The following TRAPPC10 variants were observed in gnomAD, a reference collection of about 807,000 sequenced individuals.
TRAPPC10 encodes TRAPP 130 kDa subunit.
Under a neutral mutation model 125.5 loss-of-function variants are expected in TRAPPC10, and 23 were observed. The observed-to-expected ratio is 0.18, with a 90% CI of 0.13 to 0.26. The LOEUF is 0.26. Among genes scored for constraint, TRAPPC10 ranks in the 10% least tolerant of loss-of-function variants. The pLI, the probability that TRAPPC10 is intolerant of heterozygous loss-of-function variation, is 1.00. For synonymous variants in TRAPPC10, 509 were observed against 518.0 expected, an observed-to-expected ratio of 0.98 and a Z score of 0.24; for missense variants, 1,123 against 1,308.4, an observed-to-expected ratio of 0.86 and a Z score of 2.19.
intron 1 of TRAPPC10, among the ~76,000 whole-genome samples, chr21:44,026,727 C>T (rs2033109841): frequency 6.6e-6 from 1 of 152,176 alleles, no homozygotes; most frequent in African/African-American, 2.4e-5. Context: ...CTTGGAGGGC[C>T]TTAAAATTAG....
At chr21:44,084,626 C>T (rs1287611202) in intron 15 of TRAPPC10, among the ~76,000 whole-genome samples, 2 of 152,162 alleles carry the variant, frequency 1.3e-5, no homozygotes, top group African/African-American at 4.8e-5. Context: ...TTTCCCCCTG[C>T]CAGCAAGCAA....
intron 1 of TRAPPC10, among the ~76,000 whole-genome samples, chr21:44,014,865 A>C (rs985991769): frequency 6.6e-6 from 1 of 152,288 alleles, no homozygotes; most frequent in South Asian, 2.1e-4. Context: ...TGATCACTTT[A>C]AAAGTGAAGG....
chr21:44,083,892 ATTAAAG>A (rs1027862271), intron 14 of TRAPPC10, among the ~76,000 whole-genome samples: 4 of 152,222 alleles, frequency 2.6e-5, no homozygotes, highest in African/African-American at 9.7e-5. Context: ...AAAATACCTT[ATTAAAG>A]TTAAATTTAA....
rs775590351 is a variant in TRAPPC10 at position 44,059,208 on chromosome 21, G to T, written c.784G>T (p.Ala262Ser). ...CTCTCAGTATGTGGTCAACTTCGGG[G>T]CCGGGGGTGAGTAGTGGCACTTCAG... Reference protein sequence around the residue: ...LFSQYVVNFGAGDGANWLTFF... With the variant: ...LFSQYVVNFGSGDGANWLTFF... The change falls in exon 6 of 23, where the codon GCC (alanine) becomes TCC (serine). Residue 262 changes from alanine to serine, a missense_variant. This residue lies in a region of TRAPPC10 where 91 missense variants were observed against 127.1 expected (regional missense o/e 0.72). Transcript: ENST00000291574. The surrounding 1 kb of genome is among the most constrained non-coding windows in gnomAD (Gnocchi z 4.4). The T allele has an allele frequency of 5.6e-6, 9 of 1,604,234 alleles. No homozygotes were observed. In the African/African-American group the frequency reaches 1.2e-4, roughly 22 times the overall value.
intron 10 of TRAPPC10, among the ~76,000 whole-genome samples, chr21:44,077,178 G>C (rs1392594060): frequency 6.6e-6 from 1 of 151,928 alleles, no homozygotes. Flanking sequence ...TGAGTTTGTG[G>C]GTTTCTTTTA....
chr21:44,022,238 A>G (rs983434242), intron 1 of TRAPPC10, among the ~76,000 whole-genome samples: 7 of 147,522 alleles, frequency 4.7e-5, no homozygotes, highest in African/African-American at 1.8e-4. Context: ...CTTCCCAAGT[A>G]GCTGGGATTA....
chr21:44,055,481 C>T (rs1359233279), intron 4 of TRAPPC10, among the ~76,000 whole-genome samples: 1 of 151,264 alleles, frequency 6.6e-6, no homozygotes, highest in Non-Finnish European at 1.5e-5. Context: ...ATCCCAGCTA[C>T]TGGGGAGGAT....
At chr21:44,064,718 A>G (rs1041758272) in intron 7 of TRAPPC10, among the ~76,000 whole-genome samples, 2 of 152,206 alleles carry the variant, frequency 1.3e-5, no homozygotes, top group Non-Finnish European at 2.9e-5. Flanking sequence ...TGCTTGGTTT[A>G]AAATAATTTT....
At chr21:44,046,451 C>T in intron 3 of TRAPPC10, 1 of 277,456 alleles carries the variant, frequency 3.6e-6, no homozygotes. Context: ...TCCAGTTCTT[C>T]ATCTCCAGGA....
At chr21:44,075,260 A>G (rs987436362) in intron 9 of TRAPPC10, 107 bp downstream of exon 9, 1 of 764,018 alleles carries the variant, frequency 1.3e-6, no homozygotes, top group Non-Finnish European at 2.2e-6. Context: ...CATATTACTC[A>G]CCATTTGGAA....
chr21:44,055,981 G>C (rs1215107955), intron 5 of TRAPPC10, 88 bp downstream of exon 5: 4 of 1,212,078 alleles, frequency 3.3e-6, no homozygotes, highest in Non-Finnish European at 3.4e-6. Context: ...TCTAAGTAAG[G>C]CACCTCTCGT....
At chr21:44,055,577 C>CA (rs548421815) in intron 4 of TRAPPC10, 121 bp from the exon 5 acceptor site, 118,367 of 588,262 alleles carry the variant, frequency 0.2, 5,664 homozygotes, top group African/African-American at 0.42. Context: ...AACTCTGTCT[C>CA]AAAAAAAAAA....
chr21:44,039,004 G>A (rs899861436), intron 3 of TRAPPC10, among the ~76,000 whole-genome samples: 2 of 152,236 alleles, frequency 1.3e-5, no homozygotes, highest in African/African-American at 4.8e-5. Flanking sequence ...GAAGGACACT[G>A]TCCCTGGCCT....
chr21:44,023,387 C>T (rs1213513510), intron 1 of TRAPPC10, among the ~76,000 whole-genome samples: 1 of 152,010 alleles, frequency 6.6e-6, no homozygotes, highest in Non-Finnish European at 1.5e-5. Flanking sequence ...CAGAGGTGAT[C>T]GGTTGGCGTG....
In TRAPPC10 at chr21:44,063,207, C is replaced by T; in HGVS notation, c.791-331C>T. ...AGCCCAGCCCCGCTGCAGCCTAAGA[C>T]TAGAGCCCTCCCTCGGCCTGAGACA... On this transcript the variant is annotated intron_variant, in intron 6 of 22. Coordinates refer to ENST00000291574, the MANE Select transcript of TRAPPC10 (RefSeq NM_003274.5). This position sits in a 1 kb window ranked among gnomAD's most constrained non-coding sequence, Gnocchi z 4.4. The T allele has an allele frequency of 7.9e-7, 1 of 1,273,044 alleles. No individual in the cohort carries two copies. The highest frequency in any genetic ancestry group is 1.0e-6 in the Non-Finnish European group (1 of 988,364). 78.9% of individuals were successfully genotyped at this position (1,273,044 alleles called of 1,614,324 possible).
At chr21:44,068,656 A>G (rs1260347323) in intron 7 of TRAPPC10, among the ~76,000 whole-genome samples, 3 of 152,154 alleles carry the variant, frequency 2.0e-5, no homozygotes, top group Non-Finnish European at 4.4e-5. Context: ...GCTGGAGTAC[A>G]GTGGTGTGAT....
intron 7 of TRAPPC10, among the ~76,000 whole-genome samples, chr21:44,065,638 A>G (rs1355862363): frequency 6.6e-6 from 1 of 152,158 alleles, no homozygotes; most frequent in African/African-American, 2.4e-5. Flanking sequence ...CTGTTTCGTC[A>G]TCTTCTGATG....
Position 44,079,893 on chromosome 21 carries a change from C to G in TRAPPC10, c.1611-122C>G, listed in dbSNP as rs535509148. On this transcript the variant is annotated intron_variant, in intron 12 of 22. Transcript: ENST00000291574. The stretch of plus-strand genomic sequence containing the variant: ...ATAATCTAATTTTGAGCCCTAGTAA[C>G]TTAAAAAAAAAAAGCCCTTTGGCTT... The G allele has an allele frequency of 4.6e-4, 492 of 1,068,974 alleles. No homozygotes were observed. The African/African-American group carries it at 7.5e-3, about 16-fold the overall frequency. 66.2% of individuals were successfully genotyped at this position (1,068,974 alleles called of 1,614,324 possible). A position where few individuals can be genotyped will look rare whatever the true frequency, so the allele number is the denominator to read the frequency against.
At chr21:44,055,542 C>T (rs1487370143) in intron 4 of TRAPPC10, among the ~76,000 whole-genome samples, 156 bp from the exon 5 acceptor site, 1 of 149,088 alleles carries the variant, frequency 6.7e-6, no homozygotes, top group Non-Finnish European at 1.5e-5. Context: ...TGTGCCACTG[C>T]ACTCCAGCCT....
Sources: allele counts gnomAD v4.1 joint callset (sites outside exome capture counted in the v4.1 genomes callset), GRCh38; gene constraint gnomAD v4.1.1; regional missense constraint gnomAD v4.1.1; non-coding constraint Gnocchi (gnomAD v3.1); transcripts MANE v1.5; gene names NCBI Gene and HGNC (gene_info 2026-07-23, HGNC 2026-07-21).